XPC: variants seen among roughly 807,000 people sequenced by gnomAD.
The protein encoded by XPC is XPC complex subunit, DNA damage recognition and repair factor.
A neutral mutation model predicts 95.8 loss-of-function variants in XPC; 76 were observed. That is an observed-to-expected ratio of 0.79 (90% CI 0.66 to 0.96). The LOEUF (loss-of-function observed/expected upper bound fraction) is 0.96, where lower values mean the gene tolerates loss of function less well. Among genes scored for constraint, XPC ranks in the 40% least tolerant of loss-of-function variants. The probability of loss-of-function intolerance (pLI) is 0.00; values close to 1 mark genes in which losing one functional copy is unlikely to be tolerated. For missense variants in XPC, 1,146 were observed against 1,179.8 expected, an observed-to-expected ratio of 0.97 and a Z score of 0.42; for synonymous variants, 442 against 442.1, an observed-to-expected ratio of 1.00 and a Z score of 0.00.
At chr3:14,165,327 A>G in intron 6 of XPC, 101 bp downstream of exon 6, 1 of 1,394,482 alleles carries the variant, frequency 7.2e-7, no homozygotes, top group Non-Finnish European at 9.6e-7. Context: ...ATACATAGTT[A>G]CCGCCTCAGG....
In XPC at chr3:14,145,544, G is replaced by C. The variant is rs558589436; in HGVS notation, c.*397C>G. On this transcript the variant is annotated 3_prime_UTR_variant, in exon 16 of 16. Coordinates refer to ENST00000285021, the MANE Select transcript of XPC (RefSeq NM_004628.5). ...GATGAAGACTCTAACTGGAAGAAAC[G>C]ATCAGCGCATTCACGGATGCACCAC... The C allele has an allele frequency of 2.4e-5, 17 of 698,046 alleles. No homozygotes were observed. Among genetic ancestry groups the C allele is most frequent in the South Asian group, 2.3e-4 (15 of 65,280 alleles). The allele number at this position is 698,046 out of a possible 1,614,324, so 43.2% of individuals were successfully genotyped here. A position where few individuals can be genotyped will look rare whatever the true frequency, so the allele number is the denominator to read the frequency against.
intron 7 of XPC, among the ~76,000 whole-genome samples, chr3:14,162,292 A>G (rs1297548585): frequency 6.6e-6 from 1 of 152,210 alleles, no homozygotes; most frequent in Non-Finnish European, 1.5e-5. Context: ...CAGATCATCA[A>G]ATTCATATGG....
At position 14,152,245 on chromosome 3, in the gene XPC, G is replaced by T. The variant is rs1239137033; in HGVS notation, c.2115+90C>A. ...ATCAGGATCCTGGGCAGGACTGGGA[G>T]GCTCATCATCACTTCTCTGCCCCCA... is the stretch of plus-strand genomic sequence containing the variant. On this transcript the variant is annotated intron_variant, in intron 11 of 15. Transcript: ENST00000285021. The T allele has an allele frequency of 1.4e-5, 16 of 1,108,768 alleles. No individual in the cohort carries two copies. The South Asian group carries it at 2.1e-4, about 15-fold the overall frequency. 68.7% of individuals were successfully genotyped at this position (1,108,768 alleles called of 1,614,324 possible). A position where few individuals can be genotyped will look rare whatever the true frequency, so the allele number is the denominator to read the frequency against.
intron 10 of XPC, 73 bp downstream of exon 10, chr3:14,156,262 C>G: frequency 6.5e-7 from 1 of 1,537,678 alleles, no homozygotes; most frequent in Non-Finnish European, 8.7e-7. Flanking sequence ...ATCAGCAACC[C>G]TTGCCTAGGA....
At chr3:14,174,434 C>CT (rs1221055508) in intron 1 of XPC, among the ~76,000 whole-genome samples, 1 of 152,094 alleles carries the variant, frequency 6.6e-6, no homozygotes, top group Non-Finnish European at 1.5e-5. Context: ...TTCTACTAAT[C>CT]TAAAAAAATG....
chr3:14,176,957 G>A (rs923607632), intron 1 of XPC, among the ~76,000 whole-genome samples: 7 of 152,160 alleles, frequency 4.6e-5, no homozygotes, highest in Non-Finnish European at 7.3e-5. Flanking sequence ...AAAATTAGCC[G>A]GACATGGTGT....
intron 4 of XPC, among the ~76,000 whole-genome samples, chr3:14,167,732 T>TAGTG (rs1696439227): frequency 6.6e-6 from 1 of 152,300 alleles, no homozygotes; most frequent in Admixed American, 6.5e-5. Flanking sequence ...ATCTCCCTCT[T>TAGTG]CTGTGCCTAG....
chr3:14,155,042 C>G (rs1276473657), intron 10 of XPC, among the ~76,000 whole-genome samples: 1 of 152,174 alleles, frequency 6.6e-6, no homozygotes, highest in Non-Finnish European at 1.5e-5. Context: ...TCAGGGCAGC[C>G]CAGGCCCCCT....
chr3:14,166,386 C>A (rs979951124), intron 5 of XPC, among the ~76,000 whole-genome samples: 3 of 152,108 alleles, frequency 2.0e-5, no homozygotes, highest in Admixed American at 2.0e-4. Context: ...CCCTCTCTAA[C>A]CTCGTCACCA....
intron 5 of XPC, among the ~76,000 whole-genome samples, chr3:14,166,924 CTCTT>C (rs1696402640): frequency 6.6e-6 from 1 of 152,208 alleles, no homozygotes. Context: ...AAGGCAAGTG[CTCTT>C]TATTTAGCCT....
In XPC at chr3:14,155,263, C is replaced by A. The variant is rs1325469540; in HGVS notation, c.2033+1072G>T. Among the ~76,000 whole-genome samples, 4 of 152,212 alleles carry A rather than the reference C, an allele frequency of 2.6e-5. No individual in the cohort carries two copies. The East Asian group carries it at 5.8e-4, about 22-fold the overall frequency. On this transcript the variant is annotated intron_variant, in intron 10 of 15. Coordinates refer to ENST00000285021, the MANE Select transcript of XPC (RefSeq NM_004628.5). ...AATCGCCCACTCTCATGTGGGTTTC[C>A]CTACGCTTCCTTTTTCTCTTTTCTG...
In XPC at chr3:14,152,199, C is replaced by T. The variant is rs3731154; in HGVS notation, c.2115+136G>A. 935 of 658,634 alleles carry T rather than the reference C, an allele frequency of 1.4e-3. 9 individuals carry two copies. In the African/African-American group the frequency reaches 0.016, roughly 11 times the overall value. The allele number at this position is 658,634 out of a possible 1,614,324, so 40.8% of individuals were successfully genotyped here. On this transcript the variant is annotated intron_variant, in intron 11 of 15. Coordinates refer to ENST00000285021, the MANE Select transcript of XPC (RefSeq NM_004628.5). ...TCTCCTCCTTGAATCCTGCTCAAGCCGGGAAAGTGAGACATTTCTGATCAG... is the reference window on the plus strand; with the variant it reads ...TCTCCTCCTTGAATCCTGCTCAAGCTGGGAAAGTGAGACATTTCTGATCAG...
chr3:14,165,640 G>A, intron 5 of XPC, 55 bp from the exon 6 acceptor site: 2 of 1,594,142 alleles, frequency 1.3e-6, no homozygotes, highest in Non-Finnish European at 1.7e-6. Flanking sequence ...GACACCAGGA[G>A]GAATTTTTGC....
intron 3 of XPC, 121 bp from the exon 4 acceptor site, chr3:14,168,501 C>T (rs1696480683): frequency 3.4e-6 from 4 of 1,190,508 alleles, no homozygotes; most frequent in Middle Eastern, 2.5e-4. Context: ...AGGGAGACAG[C>T]CCACAGAGAC....
chr3:14,159,668 A>G lies in XPC; in HGVS notation c.990+73T>C. On this transcript the variant is annotated intron_variant, in intron 8 of 15. Transcript: ENST00000285021. Reference sequence around the variant, plus strand: ...AATACCAGCTCTTAAAAAATATAATAATGATCAATTTTTTTAAGTGTGACA... The same window carrying G: ...AATACCAGCTCTTAAAAAATATAATGATGATCAATTTTTTTAAGTGTGACA... The G allele has an allele frequency of 3.6e-6, 5 of 1,376,850 alleles. No individual in the cohort carries two copies. The South Asian group carries it at 5.0e-5, about 14-fold the overall frequency. 85.3% of individuals were successfully genotyped at this position (1,376,850 alleles called of 1,614,324 possible).
intron 7 of XPC, among the ~76,000 whole-genome samples, chr3:14,160,724 A>C (rs1427676222): frequency 6.6e-6 from 1 of 152,258 alleles, no homozygotes; most frequent in Non-Finnish European, 1.5e-5. Flanking sequence ...GAAAACGTGG[A>C]AAATCCAAAT....
rs1247317481 is a variant in XPC at position 14,164,601 on chromosome 3, A to C, written c.900+212T>G. 3 of 503,938 alleles carry C rather than the reference A, an allele frequency of 6.0e-6. No individual in the cohort carries two copies. In the African/African-American group the frequency reaches 6.1e-5, roughly 10 times the overall value. 31.2% of individuals were successfully genotyped at this position (503,938 alleles called of 1,614,324 possible). ...GAAAGCATACAGGCCCTCCACTCAG[A>C]CTCTGATCCCAATCTCGATTCTCAG... On this transcript the variant is annotated intron_variant, in intron 7 of 15. Transcript: ENST00000285021.
In XPC at chr3:14,148,556, A is replaced by C; in HGVS notation, c.2420+6T>G. 6.2e-7 allele frequency: 1 copy of C among 1,613,388 alleles called. No homozygotes were observed. On this transcript the variant is annotated splice_donor_region_variant and intron_variant, in intron 13 of 15. Transcript: ENST00000285021. ...GTTTAGCCTCCATCGAAGGCCCCTC[A>C]CGCACACGGGATGGGAGTAGCCGCC...
In XPC at chr3:14,145,673, T is replaced by C. The variant is rs1344830816; in HGVS notation, c.*268A>G. ...GAGTATCTCCTAGCAAAGTGTTCTGTAGCTCAAAGGGTGAGTGGGCTTTGG... is the reference window on the plus strand; with the variant it reads ...GAGTATCTCCTAGCAAAGTGTTCTGCAGCTCAAAGGGTGAGTGGGCTTTGG... On this transcript the variant is annotated 3_prime_UTR_variant, in exon 16 of 16. Coordinates refer to ENST00000285021, the MANE Select transcript of XPC (RefSeq NM_004628.5). 1.4e-6 allele frequency: 1 copy of C among 699,414 alleles called. No homozygotes were observed. The highest frequency in any genetic ancestry group is 2.0e-5 in the Admixed American group (1 of 49,996). The allele number at this position is 699,414 out of a possible 1,614,324, so 43.3% of individuals were successfully genotyped here.
Sources: gnomAD v4.1 joint callset for allele counts (sites outside exome capture counted in the v4.1 genomes callset) on GRCh38, gnomAD v4.1.1 for gene constraint, MANE v1.5 for transcripts, NCBI Gene and HGNC (gene_info 2026-07-23, HGNC 2026-07-21) for gene names.